The following DGKB variants were observed in gnomAD, a reference collection of about 807,000 sequenced individuals.
DGKB encodes the protein diacylglycerol kinase beta.
In DGKB, 67 loss-of-function variants were observed where a neutral mutation model predicts 114.3. The observed-to-expected ratio is 0.59, with a 90% CI of 0.48 to 0.72. DGKB has a LOEUF of 0.72. Among genes scored for constraint, DGKB ranks in the 30% least tolerant of loss-of-function variants. The pLI is 0.00. For synonymous variants in DGKB, 398 were observed against 323.1 expected, an observed-to-expected ratio of 1.23 and a Z score of -2.49; for missense variants, 907 against 975.2, an observed-to-expected ratio of 0.93 and a Z score of 0.93.
intron 17 of DGKB, among the ~76,000 whole-genome samples, chr7:14,585,827 CT>C (rs1212716043): frequency 6.6e-6 from 1 of 152,034 alleles, no homozygotes; most frequent in African/African-American, 2.4e-5. Context: ...TTATGGTGAT[CT>C]CTGATCAGTT....
intron 23 of DGKB, among the ~76,000 whole-genome samples, chr7:14,313,906 T>C (rs985343374): frequency 7.2e-5 from 11 of 152,200 alleles, no homozygotes; most frequent in African/African-American, 2.7e-4. Context: ...AAGAGAGCAG[T>C]GGTTCTCCCA....
intron 23 of DGKB, among the ~76,000 whole-genome samples, chr7:14,313,516 G>A (rs922545726): frequency 7.2e-5 from 11 of 152,144 alleles, no homozygotes; most frequent in East Asian, 1.9e-4. Context: ...GGTGACGGAC[G>A]GCACCTGGAA....
chr7:14,146,713 AAAAGTCAAATTGG>A lies in DGKB; in HGVS notation c.*2405_*2417del, dbSNP rs1781517339. 2 of 152,286 alleles carry A rather than the reference AAAAGTCAAATTGG, an allele frequency of 1.3e-5. No homozygotes were observed. The highest frequency in any genetic ancestry group is 4.1e-4 in the South Asian group (2 of 4,828). 9.4% of individuals were successfully genotyped at this position (152,286 alleles called of 1,614,324 possible). On this transcript the variant is annotated 3_prime_UTR_variant, in exon 26 of 26. Transcript: ENST00000402815. ...CAGTGTATTTAGAAAATGAGTTGAG[AAAAGTCAAATTGG>A]ATTCCTATTTGAACATTTATTATGG...
intron 22 of DGKB, among the ~76,000 whole-genome samples, chr7:14,344,421 ACTT>A (rs1249240268): frequency 1.3e-5 from 2 of 151,658 alleles, no homozygotes; most frequent in African/African-American, 4.8e-5. Flanking sequence ...GTCCATAACT[ACTT>A]CTGTTTACCA....
chr7:14,261,084 A>T (rs1484842305), intron 23 of DGKB, among the ~76,000 whole-genome samples: 1 of 152,168 alleles, frequency 6.6e-6, no homozygotes, highest in Non-Finnish European at 1.5e-5. Flanking sequence ...ATAAGAAAAC[A>T]TAAAAAAATT....
At chr7:14,351,319 T>A (rs1030619354) in intron 21 of DGKB, among the ~76,000 whole-genome samples, 7 of 152,226 alleles carry the variant, frequency 4.6e-5, no homozygotes, top group African/African-American at 1.7e-4. Flanking sequence ...GGGACCTGAT[T>A]CACCAGTGAA....
At chr7:14,521,187 C>T (rs1020136660) in intron 20 of DGKB, among the ~76,000 whole-genome samples, 6 of 152,152 alleles carry the variant, frequency 3.9e-5, no homozygotes, top group Admixed American at 3.9e-4. Context: ...CACATTAAAA[C>T]AATGTACTGG....
At chr7:14,603,611 A>G (rs2128770212) in intron 17 of DGKB, among the ~76,000 whole-genome samples, 1 of 152,254 alleles carries the variant, frequency 6.6e-6, no homozygotes, top group East Asian at 1.9e-4. Context: ...TGAAATATGC[A>G]TATTTGAAAT....
chr7:14,819,438 AC>A lies in DGKB; in HGVS notation c.70+21755del, dbSNP rs1401258037. 3.3e-5 allele frequency among the ~76,000 whole-genome samples: 5 copies of A among 152,020 alleles called. No homozygotes were observed. In the South Asian group the frequency reaches 8.3e-4, roughly 25 times the overall value. On this transcript the variant is annotated intron_variant, in intron 2 of 25. Coordinates refer to ENST00000402815, the MANE Select transcript of DGKB (RefSeq NM_001350709.2). ...CCGTCTTTACAAAAAATACAAAAAA[AC>A]ATTGGCCAGTCATGGTGGCCTATGC...
At chr7:14,580,164 C>T (rs1452031317) in intron 19 of DGKB, among the ~76,000 whole-genome samples, 3 of 152,122 alleles carry the variant, frequency 2.0e-5, no homozygotes, top group Non-Finnish European at 4.4e-5. Flanking sequence ...AGTGCCTTCC[C>T]ACCTCTGGGC....
intron 12 of DGKB, among the ~76,000 whole-genome samples, chr7:14,678,813 G>A (rs1198583354): frequency 6.6e-6 from 1 of 151,912 alleles, no homozygotes; most frequent in Non-Finnish European, 1.5e-5. Flanking sequence ...CTTGCACTAG[G>A]GCTGCGAATG....
At chr7:14,296,874 A>G (rs1042252751) in intron 23 of DGKB, among the ~76,000 whole-genome samples, 3 of 151,812 alleles carry the variant, frequency 2.0e-5, no homozygotes, top group Non-Finnish European at 2.9e-5. Flanking sequence ...TAAAGGGGAT[A>G]TCATTACTGA....
intron 21 of DGKB, among the ~76,000 whole-genome samples, chr7:14,348,812 G>C (rs1056394555): frequency 6.6e-6 from 1 of 151,730 alleles, no homozygotes; most frequent in Non-Finnish European, 1.5e-5. Flanking sequence ...CATGTGAATG[G>C]ATAAGTAGTA....
chr7:14,701,825 C>A lies in DGKB; in HGVS notation c.467-95G>T, dbSNP rs890324560. 6 of 821,628 alleles carry A rather than the reference C, an allele frequency of 7.3e-6. No homozygotes were observed. In the Admixed American group the frequency reaches 1.2e-4, roughly 17 times the overall value. 50.9% of individuals were successfully genotyped at this position (821,628 alleles called of 1,614,324 possible). A position where few individuals can be genotyped will look rare whatever the true frequency, so the allele number is the denominator to read the frequency against. The stretch of plus-strand genomic sequence containing the variant: ...ATTAAAATTTAGTTTGTGTTGAAAA[C>A]AAATACTAAATTCCTCTCCTGCTCC... On this transcript the variant is annotated intron_variant, in intron 6 of 25. Transcript: ENST00000402815.
intron 20 of DGKB, among the ~76,000 whole-genome samples, chr7:14,555,454 A>T (rs1795740251): frequency 6.6e-6 from 1 of 152,114 alleles, no homozygotes; most frequent in Non-Finnish European, 1.5e-5. Flanking sequence ...AATCAAAAAC[A>T]ATCCCCAGTG....
At chr7:14,895,465 A>G (rs1041099425) in intron 1 of DGKB, among the ~76,000 whole-genome samples, 1 of 151,582 alleles carries the variant, frequency 6.6e-6, no homozygotes, top group African/African-American at 2.4e-5. Flanking sequence ...TAATTATATT[A>G]TTCCTATTAT....
chr7:14,627,257 G>A (rs1269094673), intron 14 of DGKB, among the ~76,000 whole-genome samples: 1 of 152,136 alleles, frequency 6.6e-6, no homozygotes, highest in East Asian at 1.9e-4. Flanking sequence ...TTTGGGTGGT[G>A]TCTTTTTGGG....
intron 5 of DGKB, 59 bp from the exon 6 acceptor site, chr7:14,718,744 A>G: frequency 3.1e-6 from 4 of 1,292,490 alleles, no homozygotes; most frequent in Non-Finnish European, 4.3e-6. Context: ...CAAACAGAAA[A>G]CAAATTAAGA....
intron 20 of DGKB, among the ~76,000 whole-genome samples, chr7:14,502,619 G>A (rs1786379281): frequency 6.6e-6 from 1 of 152,056 alleles, no homozygotes; most frequent in Non-Finnish European, 1.5e-5. Flanking sequence ...ACAAGTTGGA[G>A]TCTTAAATGT....
Sources: gnomAD v4.1 joint callset for allele counts (sites outside exome capture counted in the v4.1 genomes callset) on GRCh38, gnomAD v4.1.1 for gene constraint, MANE v1.5 for transcripts, NCBI Gene and HGNC (gene_info 2026-07-23, HGNC 2026-07-21) for gene names.